DCC: variants seen among roughly 807,000 people sequenced by gnomAD.
DCC encodes netrin receptor DCC.
DCC carries 58 observed loss-of-function variants against 172.5 expected under a neutral mutation model. That is an observed-to-expected ratio of 0.34 (90% CI 0.27 to 0.42). The LOEUF is 0.42. Ranked by LOEUF, DCC falls within the 10% of genes least tolerant of loss-of-function variation. The probability of loss-of-function intolerance (pLI) is 1.00; values close to 1 mark genes in which losing one functional copy is unlikely to be tolerated. For missense variants in DCC, 1,740 were observed against 1,791.0 expected, an observed-to-expected ratio of 0.97 and a Z score of 0.51; for synonymous variants, 709 against 644.5, an observed-to-expected ratio of 1.10 and a Z score of -1.52.
intron 5 of DCC, among the ~76,000 whole-genome samples, chr18:53,060,184 C>CTGTTGT (rs10588873): frequency 4.0e-5 from 6 of 151,222 alleles, no homozygotes; most frequent in Non-Finnish European, 7.4e-5. Context: ...TTATTTGTTG[C>CTGTTGT]TGTTGTTGTT....
rs771810638 is a variant in DCC, at chr18:52,539,624, C to T, written c.91+198746C>T. 2.0e-5 allele frequency among the ~76,000 whole-genome samples: 3 copies of T among 152,130 alleles called. 1 individual carries two copies. The highest frequency in any genetic ancestry group is 6.5e-5 in the Admixed American group (1 of 15,276). On this transcript the variant is annotated intron_variant, in intron 1 of 28. Coordinates refer to ENST00000442544, the MANE Select transcript of DCC (RefSeq NM_005215.4). ...CGGTTTCATCCTGAATCCATGCCCC[C>T]GGCCCATCCCATGGAAAAAATTGTC...
chr18:52,582,723 C>T (rs185765416), intron 1 of DCC, among the ~76,000 whole-genome samples: 2 of 152,210 alleles, frequency 1.3e-5, no homozygotes, highest in South Asian at 2.1e-4. Flanking sequence ...GGCAGCCTTT[C>T]GTGTAAAGTT....
At chr18:52,559,437 T>C (rs879387914) in intron 1 of DCC, among the ~76,000 whole-genome samples, 2 of 152,164 alleles carry the variant, frequency 1.3e-5, no homozygotes, top group Admixed American at 1.3e-4. Flanking sequence ...AAATATATAA[T>C]TCCATCTCTA....
At chr18:53,172,838 T>A (rs4514754) in intron 8 of DCC, among the ~76,000 whole-genome samples, 2,684 of 152,230 alleles carry the variant, frequency 0.018, 34 homozygotes, top group Middle Eastern at 0.051. Flanking sequence ...TTGAATGATA[T>A]CAATACTAGA....
chr18:53,506,413 TA>T (rs2046176028), intron 27 of DCC, among the ~76,000 whole-genome samples: 1 of 152,158 alleles, frequency 6.6e-6, no homozygotes. Flanking sequence ...ATCTGAACTA[TA>T]AATAGCATCT....
At chr18:53,506,684 C>T (rs895518851) in intron 27 of DCC, among the ~76,000 whole-genome samples, 5 of 152,056 alleles carry the variant, frequency 3.3e-5, no homozygotes, top group Non-Finnish European at 5.9e-5. Context: ...ACAGTGAAAC[C>T]CCATCTCTAC....
intron 7 of DCC, among the ~76,000 whole-genome samples, chr18:53,135,841 C>G (rs186680736): frequency 2.8e-4 from 42 of 152,264 alleles, no homozygotes; most frequent in African/African-American, 9.4e-4. Flanking sequence ...TTCTACTTGA[C>G]TAATTGATTA....
intron 5 of DCC, among the ~76,000 whole-genome samples, chr18:53,051,906 T>G (rs1394656693): frequency 6.6e-6 from 1 of 152,128 alleles, no homozygotes; most frequent in Admixed American, 6.6e-5. Flanking sequence ...TATCCTATTC[T>G]TTAACTTTGA....
intron 12 of DCC, among the ~76,000 whole-genome samples, chr18:53,279,119 T>C (rs1383577493): frequency 1.3e-5 from 2 of 152,302 alleles, no homozygotes; most frequent in Admixed American, 6.5e-5. Flanking sequence ...TGGTGTGAGA[T>C]GGTATCTCAT....
At chr18:52,371,165 A>G (rs1056317255) in intron 1 of DCC, among the ~76,000 whole-genome samples, 1 of 152,232 alleles carries the variant, frequency 6.6e-6, no homozygotes. Flanking sequence ...TTAAAAAAAA[A>G]AATCATACTA....
At chr18:53,110,239 G>A (rs1028366983) in intron 7 of DCC, among the ~76,000 whole-genome samples, 9 of 151,616 alleles carry the variant, frequency 5.9e-5, no homozygotes, top group Non-Finnish European at 3.0e-5. Flanking sequence ...AATAAACACA[G>A]CTTCATAAAT....
chr18:52,703,763 A>T (rs2036163819), intron 1 of DCC, among the ~76,000 whole-genome samples: 2 of 150,600 alleles, frequency 1.3e-5, no homozygotes, highest in African/African-American at 4.9e-5. Context: ...AGGTAACATG[A>T]CTGTTGACTT....
intron 5 of DCC, among the ~76,000 whole-genome samples, chr18:52,956,078 A>G (rs2040737313): frequency 1.3e-5 from 2 of 151,966 alleles, no homozygotes; most frequent in African/African-American, 4.8e-5. Flanking sequence ...ACGAAGTCCA[A>G]CTTATCAATG....
At chr18:52,819,189 T>C (rs2038359038) in intron 2 of DCC, among the ~76,000 whole-genome samples, 1 of 150,544 alleles carries the variant, frequency 6.6e-6, no homozygotes, top group South Asian at 2.2e-4. Flanking sequence ...AAAATAAAAG[T>C]GAAGAAACCA....
intron 21 of DCC, among the ~76,000 whole-genome samples, chr18:53,425,090 A>T (rs1172892216): frequency 5.3e-5 from 8 of 151,734 alleles, no homozygotes; most frequent in African/African-American, 1.7e-4. Context: ...GTCATCTTCA[A>T]AGAATTTTCT....
chr18:52,770,091 A>G (rs947530829), intron 2 of DCC, among the ~76,000 whole-genome samples: 1 of 152,222 alleles, frequency 6.6e-6, no homozygotes, highest in Non-Finnish European at 1.5e-5. Context: ...TTTTAGGATC[A>G]AATATAAACC....
chr18:53,339,730 C>G lies in DCC; in HGVS notation c.2182C>G (p.Gln728Glu). Residue 728 changes from glutamine (Q) to glutamate (E), a missense_variant, in exon 15 of 29, where the codon CAA becomes GAA. Coordinates refer to ENST00000442544, the MANE Select transcript of DCC (RefSeq NM_005215.4). The stretch of plus-strand genomic sequence containing the variant: ...AATGCTAGAATCTCAAGTTCCTGAT[C>G]AACCAAGCTCTCTTCATGTGAGGCC... The part of the protein sequence containing the change: ...NDLDESQVPD[Q>E]PSSLHVRPQT... The G allele has an allele frequency of 6.2e-7, 1 of 1,613,892 alleles. No individual in the cohort carries two copies. Among genetic ancestry groups the G allele is most frequent in the Non-Finnish European group, 8.5e-7 (1 of 1,179,880 alleles).
At chr18:52,570,618 T>C (rs2033271109) in intron 1 of DCC, among the ~76,000 whole-genome samples, 1 of 152,210 alleles carries the variant, frequency 6.6e-6, no homozygotes, top group Non-Finnish European at 1.5e-5. Context: ...ATTTTCACAT[T>C]TGTAGAAACT....
intron 12 of DCC, among the ~76,000 whole-genome samples, chr18:53,216,294 T>A (rs1294099269): frequency 6.6e-6 from 1 of 152,200 alleles, no homozygotes; most frequent in East Asian, 1.9e-4. Context: ...TTCACCTGGT[T>A]TGACCCTGTC....
Sources: allele counts gnomAD v4.1 joint callset (sites outside exome capture counted in the v4.1 genomes callset), GRCh38; gene constraint gnomAD v4.1.1; transcripts MANE v1.5; gene names NCBI Gene and HGNC (gene_info 2026-07-23, HGNC 2026-07-21).